The following CDH13 variants were observed in gnomAD, a reference collection of about 807,000 sequenced individuals.
CDH13 encodes cadherin 13.
In CDH13, 24 loss-of-function variants were observed where a neutral mutation model predicts 63.8. That is an observed-to-expected ratio of 0.38 (90% CI 0.27 to 0.53). The LOEUF is 0.53. Among genes scored for constraint, CDH13 ranks in the 20% least tolerant of loss-of-function variants. The pLI is 0.85. For synonymous variants in CDH13, 503 were observed against 355.3 expected (o/e 1.42, Z -4.67); for missense variants, 1,049 against 903.1 (o/e 1.16, Z -2.07).
chr16:82,783,103 G>C (rs1424139476), intron 1 of CDH13, among the ~76,000 whole-genome samples: 1 of 152,174 alleles, frequency 6.6e-6, no homozygotes, highest in Non-Finnish European at 1.5e-5. Flanking sequence ...GTGAGCAAAC[G>C]TTCCATTCCG....
chr16:83,073,311 G>A (rs918929298), intron 3 of CDH13, among the ~76,000 whole-genome samples: 11 of 148,078 alleles, frequency 7.4e-5, no homozygotes, highest in African/African-American at 2.8e-4. Context: ...TCTCTCTTTG[G>A]GGTGTGTGTC....
chr16:83,066,819 C>G (rs1267139802), intron 3 of CDH13, among the ~76,000 whole-genome samples: 1 of 152,310 alleles, frequency 6.6e-6, no homozygotes, highest in South Asian at 2.1e-4. Flanking sequence ...CTACTCTACC[C>G]TTCATGGAAG....
intron 2 of CDH13, among the ~76,000 whole-genome samples, chr16:82,878,210 T>A (rs1440126194): frequency 6.6e-6 from 1 of 151,878 alleles, no homozygotes; most frequent in African/African-American, 2.4e-5. Context: ...TCAGGGTGGG[T>A]GGCAATGCTC....
intron 6 of CDH13, among the ~76,000 whole-genome samples, chr16:83,468,610 C>G (rs1302511300): frequency 6.6e-6 from 1 of 152,164 alleles, no homozygotes; most frequent in African/African-American, 2.4e-5. Context: ...TTGTGTGAGG[C>G]GTAGGGCAAA....
intron 7 of CDH13, among the ~76,000 whole-genome samples, chr16:83,507,893 G>A (rs1046132435): frequency 6.6e-5 from 10 of 151,378 alleles, no homozygotes; most frequent in Non-Finnish European, 1.5e-4. Flanking sequence ...TTAGCAGTCC[G>A]TGGTGGCGGG....
At chr16:83,201,744 TAA>T (rs556572476) in intron 4 of CDH13, among the ~76,000 whole-genome samples, 13 of 132,196 alleles carry the variant, frequency 9.8e-5, no homozygotes, top group African/African-American at 2.9e-4. Flanking sequence ...AAAAAAAAAT[TAA>T]AAAAAAAAAA....
intron 6 of CDH13, among the ~76,000 whole-genome samples, chr16:83,420,461 C>G (rs1022928431): frequency 6.6e-6 from 1 of 152,110 alleles, no homozygotes; most frequent in Admixed American, 6.6e-5. Context: ...GGGCAGAGAC[C>G]ACAGGAGTAT....
intron 4 of CDH13, among the ~76,000 whole-genome samples, chr16:83,130,095 A>C (rs1293837780): frequency 6.6e-6 from 1 of 152,256 alleles, no homozygotes; most frequent in Non-Finnish European, 1.5e-5. Flanking sequence ...CTGGGAATTT[A>C]ATGGAGGAGA....
intron 2 of CDH13, among the ~76,000 whole-genome samples, chr16:82,973,703 A>T (rs1293350103): frequency 6.6e-6 from 1 of 152,188 alleles, no homozygotes; most frequent in African/African-American, 2.4e-5. Flanking sequence ...TATTTGAACA[A>T]GACTTATTTT....
chr16:82,870,666 A>G (rs2040312288), intron 2 of CDH13, among the ~76,000 whole-genome samples: 1 of 152,242 alleles, frequency 6.6e-6, no homozygotes, highest in Non-Finnish European at 1.5e-5. Context: ...AAGAAATGAT[A>G]AAGGTCTGAA....
chr16:83,739,620 G>T (rs1356867491), intron 10 of CDH13, among the ~76,000 whole-genome samples: 1 of 152,152 alleles, frequency 6.6e-6, no homozygotes, highest in Non-Finnish European at 1.5e-5. Flanking sequence ...GCAACTAAAG[G>T]GATGGGAATG....
intron 1 of CDH13, among the ~76,000 whole-genome samples, chr16:82,721,867 C>T (rs931288979): frequency 3.3e-5 from 5 of 151,988 alleles, no homozygotes; most frequent in South Asian, 2.1e-4. Flanking sequence ...AGGTGCAGAC[C>T]AGGGGAAATG....
intron 6 of CDH13, among the ~76,000 whole-genome samples, chr16:83,389,444 C>T (rs2091741681): frequency 6.6e-6 from 1 of 152,194 alleles, no homozygotes; most frequent in African/African-American, 2.4e-5. Context: ...TTCCAATTTA[C>T]AGTGAATTGT....
intron 3 of CDH13, among the ~76,000 whole-genome samples, chr16:83,106,209 G>A (rs1436126866): frequency 6.6e-6 from 1 of 152,116 alleles, no homozygotes; most frequent in East Asian, 1.9e-4. Flanking sequence ...CACTTTATTT[G>A]CCTTTCATTT....
At chr16:83,532,631 A>G (rs1001192554) in intron 7 of CDH13, among the ~76,000 whole-genome samples, 1 of 152,196 alleles carries the variant, frequency 6.6e-6, no homozygotes, top group Non-Finnish European at 1.5e-5. Context: ...TATCAGCTCC[A>G]CATTCGCCAT....
At chr16:83,205,654 G>C (rs1280563939) in intron 4 of CDH13, among the ~76,000 whole-genome samples, 1 of 150,226 alleles carries the variant, frequency 6.7e-6, no homozygotes, top group Non-Finnish European at 1.5e-5. Context: ...TGCCAGGCTG[G>C]AGTGCAGTGA....
At chr16:83,024,695 A>C (rs1915641388) in intron 2 of CDH13, among the ~76,000 whole-genome samples, 1 of 152,242 alleles carries the variant, frequency 6.6e-6, no homozygotes, top group South Asian at 2.1e-4. Flanking sequence ...CTCACAGTGT[A>C]ATGTAATGTC....
chr16:83,198,057 T>G (rs1367220898), intron 4 of CDH13, among the ~76,000 whole-genome samples: 1 of 152,144 alleles, frequency 6.6e-6, no homozygotes, highest in Non-Finnish European at 1.5e-5. Flanking sequence ...TAGAAAGGAT[T>G]TATCGACATT....
intron 7 of CDH13, among the ~76,000 whole-genome samples, chr16:83,501,557 C>A (rs188455736): frequency 6.6e-6 from 1 of 152,154 alleles, no homozygotes; most frequent in Admixed American, 6.5e-5. Context: ...TAAACAATTA[C>A]GGCGTTTTTT....
Sources: gnomAD v4.1 joint callset for allele counts (sites outside exome capture counted in the v4.1 genomes callset) on GRCh38, gnomAD v4.1.1 for gene constraint, MANE v1.5 for transcripts, NCBI Gene and HGNC (gene_info 2026-07-23, HGNC 2026-07-21) for gene names.